The following MYO16 variants were observed in gnomAD, a reference collection of about 807,000 sequenced individuals.
MYO16 encodes the protein myosin XVI, also known as unconventional myosin-XVI.
MYO16 carries 94 observed loss-of-function variants against 205.3 expected under a neutral mutation model. The ratio of observed to expected loss-of-function variants is 0.46; its 90% CI spans 0.39 to 0.54. The LOEUF is 0.54. Among genes scored for constraint, MYO16 ranks in the 20% least tolerant of loss-of-function variants. The pLI is 0.00. For missense variants in MYO16, 2,315 were observed against 2,387.5 expected (o/e 0.97, Z 0.63); for synonymous variants, 988 against 954.0 (o/e 1.04, Z -0.66).
At chr13:108,553,281 G>A in the MYO16 span, among the ~76,000 whole-genome samples, 3 of 152,058 alleles carry the variant, frequency 2.0e-5, no homozygotes, top group Non-Finnish European at 2.9e-5. Flanking sequence ...GTGAGCCACC[G>A]CGCCTGGCGT....
At chr13:108,915,536 C>T (rs1881461278) in intron 16 of MYO16, among the ~76,000 whole-genome samples, 1 of 152,094 alleles carries the variant, frequency 6.6e-6, no homozygotes, top group African/African-American at 2.4e-5. Context: ...TTCAATTTTT[C>T]TTACCCTTTG....
intron 9 of MYO16, among the ~76,000 whole-genome samples, chr13:108,842,071 A>G (rs1877269876): frequency 6.6e-6 from 1 of 152,156 alleles, no homozygotes; most frequent in South Asian, 2.1e-4. Flanking sequence ...AGAAAAATTA[A>G]GTCAAAATGG....
intron 2 of MYO16, among the ~76,000 whole-genome samples, chr13:108,667,905 G>A (rs1881812114): frequency 6.6e-6 from 1 of 151,966 alleles, no homozygotes. Flanking sequence ...AAAATTAGCT[G>A]GACCTGGTGG....
At chr13:108,803,087 A>T (rs1173846288) in intron 6 of MYO16, among the ~76,000 whole-genome samples, 1 of 152,198 alleles carries the variant, frequency 6.6e-6, no homozygotes, top group African/African-American at 2.4e-5. Context: ...TAAACTCTTA[A>T]AAATAAATAC....
chr13:108,692,585 G>C (rs114920207), intron 2 of MYO16, among the ~76,000 whole-genome samples: 1 of 152,040 alleles, frequency 6.6e-6, no homozygotes, highest in African/African-American at 2.4e-5. Flanking sequence ...CAAACGTTGC[G>C]ATTGGAATTG....
intron 2 of MYO16, among the ~76,000 whole-genome samples, chr13:108,683,735 A>C (rs774151054): frequency 1.9e-4 from 29 of 152,306 alleles, no homozygotes; most frequent in South Asian, 2.1e-4. Context: ...ATCCCATTTG[A>C]ATTGTAGAAA....
At chr13:109,093,816 A>C in intron 27 of MYO16, among the ~76,000 whole-genome samples, 1 of 151,480 alleles carries the variant, frequency 6.6e-6, no homozygotes, top group East Asian at 2.0e-4. Context: ...GGCAGCCCTG[A>C]CTCTTTCCTG....
At chr13:108,915,601 T>C (rs1399670146) in intron 16 of MYO16, among the ~76,000 whole-genome samples, 1 of 152,210 alleles carries the variant, frequency 6.6e-6, no homozygotes, top group Admixed American at 6.5e-5. Context: ...CTTTTGGGAA[T>C]TGAGATTTAA....
At chr13:108,518,909 A>G in the MYO16 span, among the ~76,000 whole-genome samples, 2 of 152,186 alleles carry the variant, frequency 1.3e-5, no homozygotes, top group Non-Finnish European at 2.9e-5. Flanking sequence ...TGATTATTTT[A>G]ATTTTCTAAG....
chr13:108,628,669 T>C (rs1276721437), upstream of MYO16, among the ~76,000 whole-genome samples: 2 of 152,172 alleles, frequency 1.3e-5, no homozygotes, highest in South Asian at 2.1e-4. Flanking sequence ...TGACCCCTTG[T>C]TGTATAGATT....
intron 4 of MYO16, among the ~76,000 whole-genome samples, chr13:108,757,064 CAAT>C (rs35571922): frequency 0.035 from 5,293 of 152,216 alleles, 311 homozygotes; most frequent in African/African-American, 0.12. Flanking sequence ...ATTTCTAAAA[CAAT>C]GATGATTACA....
At chr13:109,163,426 G>A (rs1355911884) in intron 32 of MYO16, among the ~76,000 whole-genome samples, 1 of 152,024 alleles carries the variant, frequency 6.6e-6, no homozygotes, top group Non-Finnish European at 1.5e-5. Flanking sequence ...CCAGCCTTGA[G>A]AGATAAGCTC....
intron 4 of MYO16, among the ~76,000 whole-genome samples, chr13:108,775,119 A>G (rs955636128): frequency 6.6e-6 from 1 of 152,204 alleles, no homozygotes; most frequent in African/African-American, 2.4e-5. Context: ...ATGGTCAAAT[A>G]CACACACCAA....
rs377766468 is a variant in MYO16 at position 108,957,719 on chromosome 13, T to G, written c.1957T>G (p.Ser653Ala). Residue 653 changes from serine (S) to alanine (A), a missense_variant, in exon 17 of 35, where the codon TCC becomes GCC. Transcript: ENST00000457511. Reference sequence around the variant, plus strand: ...GAACCAGACCATACAGGATGATGCATCCACAGGGGAGCGTTCTCTGAACAG... The same window carrying G: ...GAACCAGACCATACAGGATGATGCAGCCACAGGGGAGCGTTCTCTGAACAG... ...YLNQTIQDDA[S>A]TGERSLNREK... is the part of the protein sequence containing the mutation. 19 of 1,613,342 alleles carry G rather than the reference T, an allele frequency of 1.2e-5. No individual in the cohort carries two copies. The highest frequency in any genetic ancestry group is 1.6e-5 in the Non-Finnish European group (19 of 1,179,478).
intron 21 of MYO16, among the ~76,000 whole-genome samples, chr13:109,000,149 T>G (rs1338215743): frequency 6.6e-6 from 1 of 152,196 alleles, no homozygotes; most frequent in African/African-American, 2.4e-5. Context: ...GTAATTTTAA[T>G]GACCAGGAAA....
At chr13:109,191,801 AC>A (rs1277089967) in intron 34 of MYO16, among the ~76,000 whole-genome samples, 3 of 152,204 alleles carry the variant, frequency 2.0e-5, no homozygotes, top group African/African-American at 7.2e-5. Flanking sequence ...ACCAATTATG[AC>A]TATATCATAT....
At chr13:108,586,619 C>T in the MYO16 span, among the ~76,000 whole-genome samples, 3 of 152,134 alleles carry the variant, frequency 2.0e-5, no homozygotes, top group East Asian at 5.8e-4. Flanking sequence ...TCAAGGTAAT[C>T]CTTTTAAGCA....
intron 27 of MYO16, among the ~76,000 whole-genome samples, chr13:109,082,251 C>G (rs969584447): frequency 6.6e-6 from 1 of 152,162 alleles, no homozygotes; most frequent in Non-Finnish European, 1.5e-5. Flanking sequence ...ATCATGAGAA[C>G]AAAAACCTCT....
intron 27 of MYO16, among the ~76,000 whole-genome samples, chr13:109,089,086 A>T (rs1345533936): frequency 6.6e-6 from 1 of 152,112 alleles, no homozygotes; most frequent in Admixed American, 6.6e-5. Flanking sequence ...AGGGTGGGGG[A>T]GAGGGGGAAT....
Sources: allele counts gnomAD v4.1 joint callset (sites outside exome capture counted in the v4.1 genomes callset), GRCh38; gene constraint gnomAD v4.1.1; transcripts MANE v1.5; gene names NCBI Gene and HGNC (gene_info 2026-07-23, HGNC 2026-07-21).